The following ZNF160 variants were observed in gnomAD, a reference collection of about 807,000 sequenced individuals.
ZNF160 encodes the protein zinc finger protein 160.
In ZNF160, 9 loss-of-function variants were observed where a neutral mutation model predicts 13.1. That is an observed-to-expected ratio of 0.69 (90% confidence interval 0.41 to 1.20). ZNF160 has a LOEUF of 1.20. Ranked by LOEUF, ZNF160 falls within the 50% of genes most tolerant of loss-of-function variation. The pLI, the probability that ZNF160 is intolerant of heterozygous loss-of-function variation, is 0.01. For synonymous variants in ZNF160, 293 were observed against 333.2 expected, an observed-to-expected ratio of 0.88 and a Z score of 1.31; for missense variants, 838 against 988.0, an observed-to-expected ratio of 0.85 and a Z score of 2.04.
intron 1 of ZNF160, among the ~76,000 whole-genome samples, chr19:53,098,560 G>A (rs1353668260): frequency 2.6e-5 from 4 of 151,662 alleles, no homozygotes; most frequent in Non-Finnish European, 4.4e-5. Flanking sequence ...GGATGTCCAA[G>A]AAAAAGAGAG....
chr19:53,086,272 G>A lies in ZNF160; in HGVS notation c.5C>T (p.Ala2Val). 6.3e-7 allele frequency: 1 copy of A among 1,588,594 alleles called. No individual in the cohort carries two copies. The change falls in exon 3 of 6, where the codon GCC becomes GTC. Residue 2 changes from alanine to valine, a missense_variant. By Grantham distance (64) the Ala-to-Val change is moderately conservative. This residue lies in a region of ZNF160 where 387 missense variants were observed against 402.3 expected (regional missense o/e 0.96). Coordinates refer to ENST00000683776, the MANE Select transcript of ZNF160 (RefSeq NM_001322131.2). ...GGAGTATCACTTTACCTGAGTAAGG[G>A]CCATCCCTGACTCCTTTTCTTTCCT... M[A>V]LTQVRLTFRD...
At position 53,067,828 on chromosome 19, in the gene ZNF160, C is replaced by T; in HGVS notation, c.*249G>A. The T allele has an allele frequency of 2.3e-6, 1 of 434,398 alleles. No homozygotes were observed. The highest frequency in any genetic ancestry group is 3.7e-5 in the East Asian group (1 of 26,820). The allele number at this position is 434,398 out of a possible 1,614,324, so 26.9% of individuals were successfully genotyped here. ...TTACCATCGGTCACTGGGTAATGGC[C>T]TCAGGATGCATATTACATTTGTTTC... On this transcript the variant is annotated 3_prime_UTR_variant, in exon 6 of 6. Transcript: ENST00000683776.
intron 1 of ZNF160, among the ~76,000 whole-genome samples, chr19:53,099,545 G>C (rs979706039): frequency 6.6e-6 from 1 of 152,146 alleles, no homozygotes; most frequent in African/African-American, 2.4e-5. Context: ...TTTAGATTTA[G>C]CCATAACTCT....
At position 53,069,178 on chromosome 19, in the gene ZNF160, A is replaced by C. The variant is rs2145435885; in HGVS notation, c.1356T>G (p.Pro452=). 6.2e-7 allele frequency: 1 copy of C among 1,614,108 alleles called. No individual in the cohort carries two copies. Among genetic ancestry groups the C allele is most frequent in the African/African-American group, 1.3e-5 (1 of 75,054 alleles). Residue 452 remains proline (P), a synonymous_variant, in exon 6 of 6, where the codon CCT becomes CCG. Transcript: ENST00000683776. The surrounding 1 kb of genome is among the most constrained non-coding windows in gnomAD (Gnocchi z 4.4). ...RHRRVHTGEK[P]YKCNECGKAF... Reference sequence around the variant, plus strand: ...CTTTGCCACATTCATTACACTTGTAAGGTTTCTCACCAGTATGAACTCTCC... The same window carrying C: ...CTTTGCCACATTCATTACACTTGTACGGTTTCTCACCAGTATGAACTCTCC...
At chr19:53,080,118 T>G (rs901551262) in intron 3 of ZNF160, among the ~76,000 whole-genome samples, 2 of 151,948 alleles carry the variant, frequency 1.3e-5, no homozygotes, top group Non-Finnish European at 2.9e-5. Context: ...TTTTTTTTTT[T>G]TTTTTGAGAT....
chr19:53,084,006 C>T lies in ZNF160; in HGVS notation c.15+2256G>A, dbSNP rs535756372. Among the ~76,000 whole-genome samples the T allele has an allele frequency of 2.6e-5, 4 of 152,316 alleles. No homozygotes were observed. In the South Asian group the frequency reaches 8.3e-4, roughly 32 times the overall value. On this transcript the variant is annotated intron_variant, in intron 3 of 5. Transcript: ENST00000683776. ...AATACACTTATAACCTTTTACCTCC[C>T]CTTCAGCAGACACTCTCTACAGGGC...
intron 1 of ZNF160, among the ~76,000 whole-genome samples, chr19:53,099,662 A>C (rs2085372763): frequency 6.6e-6 from 1 of 152,168 alleles, no homozygotes; most frequent in African/African-American, 2.4e-5. Context: ...TAAAGGACTG[A>C]GTCCCATTTA....
chr19:53,073,041 G>T, intron 5 of ZNF160: 1 of 628,726 alleles, frequency 1.6e-6, no homozygotes, highest in Non-Finnish European at 2.1e-6. Flanking sequence ...ATGGACTGAT[G>T]GAAACAAGCC....
At chr19:53,073,279 G>A in intron 5 of ZNF160, 1 of 1,552,976 alleles carries the variant, frequency 6.4e-7, no homozygotes, top group Non-Finnish European at 8.7e-7. Flanking sequence ...ATGTAAGACT[G>A]AGGATCAATG....
intron 1 of ZNF160, chr19:53,093,775 CAAAAAACAAAAAACAGAAG>C (rs1347245506): frequency 6.6e-6 from 1 of 151,890 alleles, no homozygotes; most frequent in Non-Finnish European, 1.5e-5. Flanking sequence ...GAGCCTGTCT[CAAAAAACAAAAAACAGAAG>C]AAAAAAGCTT....
chr19:53,096,803 C>T lies in ZNF160; in HGVS notation c.-353-5083G>A, dbSNP rs2085256086. Among the ~76,000 whole-genome samples the T allele has an allele frequency of 1.6e-5, 2 of 129,012 alleles. 1 individual carries two copies. The highest frequency in any genetic ancestry group is 1.5e-4 in the Admixed American group (2 of 13,150). 84.6% of individuals were successfully genotyped at this position (129,012 alleles called of 152,430 possible). A position where few individuals can be genotyped will look rare whatever the true frequency, so the allele number is the denominator to read the frequency against. On this transcript the variant is annotated intron_variant, in intron 1 of 5. Transcript: ENST00000683776. ...ACCCGCCTGGGGAAGCATTAGTTTCCCATCATAGAGAGGACAACGGGGAAA... is the reference window on the plus strand; with the variant it reads ...ACCCGCCTGGGGAAGCATTAGTTTCTCATCATAGAGAGGACAACGGGGAAA...
intron 1 of ZNF160, among the ~76,000 whole-genome samples, chr19:53,096,141 C>T (rs1402784825): frequency 1.3e-5 from 2 of 152,236 alleles, no homozygotes; most frequent in Non-Finnish European, 2.9e-5. Context: ...ATTGCTTGAA[C>T]TCAGGAGACA....
intron 3 of ZNF160, among the ~76,000 whole-genome samples, chr19:53,083,127 A>G (rs1238450775): frequency 3.9e-5 from 6 of 152,170 alleles, no homozygotes; most frequent in Admixed American, 3.9e-4. Context: ...CCTAAACTGA[A>G]GCTCTCTGAA....
intron 2 of ZNF160, among the ~76,000 whole-genome samples, chr19:53,088,217 T>C (rs920751480): frequency 2.0e-5 from 3 of 151,968 alleles, no homozygotes; most frequent in South Asian, 2.1e-4. Context: ...GAGGAAGTGA[T>C]CAGCTGTGCT....
chr19:53,067,884 A>T lies in ZNF160; in HGVS notation c.*193T>A. The T allele has an allele frequency of 1.6e-6, 1 of 641,116 alleles. No homozygotes were observed. Among genetic ancestry groups the T allele is most frequent in the Non-Finnish European group, 2.5e-6 (1 of 405,418 alleles). The allele number at this position is 641,116 out of a possible 1,614,324, so 39.7% of individuals were successfully genotyped here. Reference sequence around the variant, plus strand: ...ATCAAAGATATAAATCTTGATGCCTAGTAACCTGCGAGGCCTGGATAGACC... The same window carrying T: ...ATCAAAGATATAAATCTTGATGCCTTGTAACCTGCGAGGCCTGGATAGACC... On this transcript the variant is annotated 3_prime_UTR_variant, in exon 6 of 6. Transcript: ENST00000683776.
In ZNF160 at chr19:53,068,686, A is replaced by G; in HGVS notation, c.1848T>C (p.Thr616=). The change falls in exon 6 of 6, where the codon ACT becomes ACC. Residue 616 remains threonine, a synonymous_variant. Transcript: ENST00000683776. ...SSLTFHQAIH[T]GEKPYKCHEC... is the part of the protein sequence containing the mutation. ...CATGACATTTGTAAGGTTTCTCTCC[A>G]GTATGTATTGCCTGATGAAAAGTTA... The G allele has an allele frequency of 1.2e-6, 2 of 1,614,196 alleles. No individual in the cohort carries two copies. The highest frequency in any genetic ancestry group is 1.1e-5 in the South Asian group (1 of 91,078).
chr19:53,084,340 C>A (rs976243318), intron 3 of ZNF160, among the ~76,000 whole-genome samples: 1 of 152,196 alleles, frequency 6.6e-6, no homozygotes, highest in African/African-American at 2.4e-5. Context: ...AAAAGCAATG[C>A]AGTACCTTAC....
chr19:53,078,374 T>C (rs557691883), intron 3 of ZNF160, among the ~76,000 whole-genome samples: 1 of 151,948 alleles, frequency 6.6e-6, no homozygotes, highest in African/African-American at 2.4e-5. Flanking sequence ...CATGCCACCA[T>C]ATTCCAGCCT....
Position 53,068,218 on chromosome 19 carries a change from T to C in ZNF160, c.2316A>G (p.Val772=). The C allele has an allele frequency of 6.2e-7, 1 of 1,614,170 alleles. No individual in the cohort carries two copies. Among genetic ancestry groups the C allele is most frequent in the Non-Finnish European group, 8.5e-7 (1 of 1,180,024 alleles). Residue 772 remains valine (V), a synonymous_variant, in exon 6 of 6, where the codon GTA becomes GTG. Coordinates refer to ENST00000683776, the MANE Select transcript of ZNF160 (RefSeq NM_001322131.2). ...CCATATGGGTAGTTAGACTTGATCT[T>C]ACCCTAAAGGCTTTCCCACACTCTG... The part of the protein sequence containing the change: ...RCTECGKAFR[V]RSSLTTHMAI...
Sources: gnomAD v4.1 joint callset for allele counts (sites outside exome capture counted in the v4.1 genomes callset) on GRCh38, gnomAD v4.1.1 for gene constraint, gnomAD v4.1.1 regional missense constraint, Gnocchi (gnomAD v3.1) non-coding constraint, MANE v1.5 for transcripts, NCBI Gene and HGNC (gene_info 2026-07-23, HGNC 2026-07-21) for gene names.